The following STK32B variants were observed in gnomAD, a reference collection of about 807,000 sequenced individuals.
STK32B encodes the protein serine/threonine-protein kinase 32B.
Under a neutral mutation model 52.6 loss-of-function variants are expected in STK32B, and 43 were observed. That is an observed-to-expected ratio of 0.82 (90% CI 0.64 to 1.05). STK32B has a LOEUF of 1.05. Among genes scored for constraint, STK32B ranks in the 50% least tolerant of loss-of-function variants. STK32B has a pLI of 0.00. For missense variants in STK32B, 621 were observed against 534.6 expected (o/e 1.16, Z -1.59); for synonymous variants, 238 against 204.3 (o/e 1.17, Z -1.41).
intron 3 of STK32B, among the ~76,000 whole-genome samples, chr4:5,226,849 C>A (rs1241903511): frequency 2.0e-5 from 3 of 152,242 alleles, no homozygotes; most frequent in Non-Finnish European, 1.5e-5. Flanking sequence ...CAGTTTCAGG[C>A]GTTCAGTGGG....
intron 1 of STK32B, among the ~76,000 whole-genome samples, chr4:5,126,780 G>T (rs544243748): frequency 6.6e-6 from 1 of 152,278 alleles, no homozygotes; most frequent in East Asian, 1.9e-4. Context: ...CTCAACAAAT[G>T]ATTCGACGGG....
Position 5,460,169 on chromosome 4 carries a change from G to C in STK32B, c.850G>C (p.Ala284Pro). ...TGACATACAGAGCGTGCCCTACTTG[G>C]CCGACATGAACTGGGACGCGGTGTT... ...LHDIQSVPYL[A>P]DMNWDAVFKK... The change falls in exon 9 of 12, where the codon GCC (alanine) becomes CCC (proline). Residue 284 changes from alanine to proline, a missense_variant. Coordinates refer to ENST00000282908, the MANE Select transcript of STK32B (RefSeq NM_018401.3). The surrounding 1 kb of genome is among the most constrained non-coding windows in gnomAD (Gnocchi z 4.8). 6.2e-7 allele frequency: 1 copy of C among 1,614,164 alleles called. No homozygotes were observed. The highest frequency in any genetic ancestry group is 8.5e-7 in the Non-Finnish European group (1 of 1,180,024).
At position 5,114,697 on chromosome 4, in the gene STK32B, G is replaced by T. The variant is rs144789196; in HGVS notation, c.53-25208G>T. Among the ~76,000 whole-genome samples, 350 of 152,140 alleles carry T rather than the reference G, an allele frequency of 2.3e-3. 2 individuals carry two copies. Among genetic ancestry groups the T allele is most frequent in the African/African-American group, 7.9e-3 (328 of 41,512 alleles). On this transcript the variant is annotated intron_variant, in intron 1 of 11. Transcript: ENST00000282908. ...CAGTTCAGATCTTTTCAAACAACTC[G>T]CTCCCGTCTTCCAATGAAAAGGAGA... is the stretch of plus-strand genomic sequence containing the variant.
intron 4 of STK32B, among the ~76,000 whole-genome samples, chr4:5,347,305 C>G (rs1170578004): frequency 6.6e-6 from 1 of 152,182 alleles, no homozygotes; most frequent in East Asian, 1.9e-4. Flanking sequence ...TCTAATCTCC[C>G]TGAAGCTTTG....
intron 3 of STK32B, among the ~76,000 whole-genome samples, chr4:5,266,799 G>C (rs568970975): frequency 3.0e-4 from 45 of 152,276 alleles, no homozygotes; most frequent in African/African-American, 1.0e-3. Flanking sequence ...TCTTTGCAGA[G>C]AATAGTAGTT....
Position 5,249,501 on chromosome 4 carries a change from T to TCCTCCCTC in STK32B, c.260+81055_260+81062dup, listed in dbSNP as rs1319447546. ...TTCCTTCCTTCCTTCCTTCCTTCCT[T>TCCTCCCTC]CCTCCCTCCCTTCCTTTAAACTTTT... On this transcript the variant is annotated intron_variant, in intron 3 of 11. Coordinates refer to ENST00000282908, the MANE Select transcript of STK32B (RefSeq NM_018401.3). Among the ~76,000 whole-genome samples, 257 of 124,916 alleles carry TCCTCCCTC rather than the reference T, an allele frequency of 2.1e-3. 1 individual carries two copies. The highest frequency in any genetic ancestry group is 3.8e-3 in the Non-Finnish European group (227 of 59,130). 81.9% of individuals were successfully genotyped at this position (124,916 alleles called of 152,430 possible).
intron 5 of STK32B, among the ~76,000 whole-genome samples, chr4:5,415,251 A>G (rs192964629): frequency 2.5e-3 from 376 of 152,322 alleles, no homozygotes; most frequent in Non-Finnish European, 3.2e-3. Flanking sequence ...TTTCATGTGT[A>G]TAAACTCCCT....
chr4:5,291,078 T>C (rs1276457474), intron 3 of STK32B, among the ~76,000 whole-genome samples: 1 of 152,176 alleles, frequency 6.6e-6, no homozygotes, highest in African/African-American at 2.4e-5. Flanking sequence ...AATGCCACAC[T>C]GTCTTCGTTA....
At chr4:5,127,676 G>A (rs988650066) in intron 1 of STK32B, among the ~76,000 whole-genome samples, 16 of 152,200 alleles carry the variant, frequency 1.1e-4, no homozygotes, top group Admixed American at 9.2e-4. Context: ...GGAAGGCCAT[G>A]TGAGGACAGA....
chr4:5,289,644 G>T (rs916528316), intron 3 of STK32B, among the ~76,000 whole-genome samples: 4 of 148,190 alleles, frequency 2.7e-5, no homozygotes, highest in Non-Finnish European at 5.9e-5. Context: ...TCAGCCTCCC[G>T]AGTAGCTGGG....
intron 1 of STK32B, among the ~76,000 whole-genome samples, chr4:5,078,068 C>T (rs1712187110): frequency 6.6e-6 from 1 of 152,056 alleles, no homozygotes; most frequent in Non-Finnish European, 1.5e-5. Context: ...TGCCACAGCT[C>T]CCACAAATCC....
intron 3 of STK32B, among the ~76,000 whole-genome samples, chr4:5,312,719 C>T (rs1248777585): frequency 4.0e-5 from 6 of 151,846 alleles, no homozygotes; most frequent in Admixed American, 3.9e-4. Context: ...CAAGTCTTTG[C>T]TATTGTGAAT....
intron 1 of STK32B, among the ~76,000 whole-genome samples, chr4:5,136,731 T>G (rs1409828985): frequency 6.6e-6 from 1 of 152,230 alleles, no homozygotes; most frequent in African/African-American, 2.4e-5. Context: ...GGCATTTTCA[T>G]TGACTGAAGC....
chr4:5,220,286 T>G (rs1249901706), intron 3 of STK32B, among the ~76,000 whole-genome samples: 5 of 152,178 alleles, frequency 3.3e-5, no homozygotes, highest in African/African-American at 1.2e-4. Flanking sequence ...TGATACATAC[T>G]AGTAGTATAA....
intron 11 of STK32B, among the ~76,000 whole-genome samples, chr4:5,472,797 A>AATCATC (rs1365265082): frequency 2.0e-5 from 3 of 152,192 alleles, no homozygotes; most frequent in African/African-American, 7.2e-5. Context: ...CACTAATAAC[A>AATCATC]ATCATCATTT....
intron 3 of STK32B, among the ~76,000 whole-genome samples, chr4:5,169,465 A>C (rs1171370460): frequency 6.6e-6 from 1 of 152,108 alleles, no homozygotes; most frequent in African/African-American, 2.4e-5. Context: ...CACATACTTG[A>C]CCACCACTGA....
Position 5,318,712 on chromosome 4 carries a change from T to C in STK32B, c.261-12508T>C, listed in dbSNP as rs1413659888. Among the ~76,000 whole-genome samples the C allele has an allele frequency of 4.6e-5, 7 of 152,100 alleles. No homozygotes were observed. The South Asian group carries it at 1.5e-3, about 32-fold the overall frequency. On this transcript the variant is annotated intron_variant, in intron 3 of 11. Coordinates refer to ENST00000282908, the MANE Select transcript of STK32B (RefSeq NM_018401.3). ...GCACATTTGACTAACTCCAAGTCCC[T>C]CAGGATGACCAGAGCAAAGAGTTCA...
chr4:5,459,588 C>T lies in STK32B; in HGVS notation c.784-515C>T, dbSNP rs573949674. On this transcript the variant is annotated intron_variant, in intron 8 of 11. Coordinates refer to ENST00000282908, the MANE Select transcript of STK32B (RefSeq NM_018401.3). The stretch of plus-strand genomic sequence containing the variant: ...CTTCAGCTGTTCTTATGCTACCTCA[C>T]TCCTTATTAGCTGAAACTCAATTAG... 4.6e-5 allele frequency among the ~76,000 whole-genome samples: 7 copies of T among 152,316 alleles called. No homozygotes were observed. In the East Asian group the frequency reaches 1.3e-3, roughly 29 times the overall value.
intron 11 of STK32B, among the ~76,000 whole-genome samples, chr4:5,471,973 C>T (rs1329535749): frequency 6.6e-6 from 1 of 152,184 alleles, no homozygotes; most frequent in Non-Finnish European, 1.5e-5. Context: ...CAGCTGACTT[C>T]CTCTTGCATA....
Sources: allele counts gnomAD v4.1 joint callset (sites outside exome capture counted in the v4.1 genomes callset), GRCh38; gene constraint gnomAD v4.1.1; non-coding constraint Gnocchi (gnomAD v3.1); transcripts MANE v1.5; gene names NCBI Gene and HGNC (gene_info 2026-07-23, HGNC 2026-07-21).